Variants in PRKRA observed in about 807,000 individuals in gnomAD.
The protein encoded by PRKRA is protein activator of interferon induced protein kinase EIF2AK2, also known as interferon-inducible double-stranded RNA-dependent protein kinase activator A.
In PRKRA, 22 loss-of-function variants were observed where a neutral mutation model predicts 32.4. That is an observed-to-expected ratio of 0.68 (90% CI 0.49 to 0.97). The LOEUF is 0.97. PRKRA is among the 50% of genes least tolerant of loss of function. PRKRA has a pLI of 0.00. For synonymous variants in PRKRA, 139 were observed against 129.8 expected, an observed-to-expected ratio of 1.07 and a Z score of -0.48; for missense variants, 319 against 375.6, an observed-to-expected ratio of 0.85 and a Z score of 1.25.
In PRKRA at chr2:178,450,415, C is replaced by CA. The variant is rs765855887; in HGVS notation, c.66-5dup. ...AGCTGTTATCATCTTCCCCAAACTGCAAAAACCACAAAAAGGTGTGCTTTG... is the reference window on the plus strand; with the variant it reads ...AGCTGTTATCATCTTCCCCAAACTGCAAAAAACCACAAAAAGGTGTGCTTTG... On this transcript the variant is annotated splice_region_variant and splice_polypyrimidine_tract_variant and intron_variant, in intron 1 of 7. Transcript: ENST00000325748. 1 of 788,408 alleles carries CA rather than the reference C, an allele frequency of 1.3e-6. No individual in the cohort carries two copies. The highest frequency in any genetic ancestry group is 1.8e-6 in the Non-Finnish European group (1 of 547,838). 48.8% of individuals were successfully genotyped at this position (788,408 alleles called of 1,614,324 possible). A position where few individuals can be genotyped will look rare whatever the true frequency, so the allele number is the denominator to read the frequency against.
chr2:178,450,722 G>C (rs1312376019), intron 1 of PRKRA: 3 of 1,377,086 alleles, frequency 2.2e-6, no homozygotes, highest in East Asian at 5.4e-5. Flanking sequence ...TCCCTTCCCG[G>C]GCGCGCCGAC....
Position 178,451,062 on chromosome 2 carries a change from A to G in PRKRA, c.-32T>C, listed in dbSNP as rs1023182830. On this transcript the variant is annotated 5_prime_UTR_variant, in exon 1 of 8. Transcript: ENST00000325748. ...AAGGGACGGCTCAGCGGCTGGAGGA[A>G]GAGCGGTGCGGAGCGACGTGCTCGC... 38 of 1,550,232 alleles carry G rather than the reference A, an allele frequency of 2.5e-5. No homozygotes were observed. Among genetic ancestry groups the G allele is most frequent in the Non-Finnish European group, 3.2e-5 (37 of 1,153,286 alleles).
rs1469347076 is a variant in PRKRA, at chr2:178,447,599, T to G, written c.236-13A>C. On this transcript the variant is annotated splice_polypyrimidine_tract_variant and intron_variant, in intron 2 of 7. Transcript: ENST00000325748. ...CTTGTACCTTCACCTGAATTAAGAT[T>G]TAAAAAAAGAAGTCTTTATCTCCCA... 1 of 1,613,802 alleles carries G rather than the reference T, an allele frequency of 6.2e-7. No individual in the cohort carries two copies. The highest frequency in any genetic ancestry group is 8.5e-7 in the Non-Finnish European group (1 of 1,179,908).
chr2:178,436,247 A>T lies in PRKRA; in HGVS notation c.682T>A (p.Leu228Ile), dbSNP rs1229151953. 6.2e-7 allele frequency: 1 copy of T among 1,613,716 alleles called. No individual in the cohort carries two copies. The highest frequency in any genetic ancestry group is 8.5e-7 in the Non-Finnish European group (1 of 1,179,632). ...ATACTAAGGAGGCTTCTTTTCAGTA[A>T]GTTGATCTTTTCACCAGGAGAATTC... ...LRNSPGEKIN[L>I]LKRSLLSIPN... Residue 228 changes from leucine (L) to isoleucine (I), a missense_variant, in exon 7 of 8, where the codon TTA becomes ATA. Leu to Ile is a conservative substitution (Grantham distance 5, BLOSUM62 2). Coordinates refer to ENST00000325748, the MANE Select transcript of PRKRA (RefSeq NM_003690.5).
chr2:178,441,744 T>C (rs761681603), intron 5 of PRKRA, 40 bp from the exon 6 acceptor site: 4 of 806,744 alleles, frequency 5.0e-6, no homozygotes, highest in South Asian at 3.5e-5. Context: ...AGAAAAGAAA[T>C]TAGTGTCCAC....
chr2:178,447,018 TCTTA>T (rs1210151760), intron 3 of PRKRA, among the ~76,000 whole-genome samples: 1 of 124,562 alleles, frequency 8.0e-6, no homozygotes, highest in Non-Finnish European at 1.7e-5. Context: ...AAAAAAAAAA[TCTTA>T]CTTTAGAAAG....
intron 6 of PRKRA, chr2:178,439,780 T>C (rs1020729340): frequency 6.6e-6 from 1 of 152,200 alleles, no homozygotes; most frequent in South Asian, 2.1e-4. Flanking sequence ...CAAAATTTTT[T>C]TGGCATCCAT....
At chr2:178,450,699 G>A (rs1181072079) in intron 1 of PRKRA, 1 of 1,408,244 alleles carries the variant, frequency 7.1e-7, no homozygotes, top group South Asian at 1.6e-5. Context: ...GCCTCTCAGG[G>A]AAAACCTGAC....
At chr2:178,440,652 A>C (rs1697075408) in intron 6 of PRKRA, among the ~76,000 whole-genome samples, 1 of 152,096 alleles carries the variant, frequency 6.6e-6, no homozygotes, top group Non-Finnish European at 1.5e-5. Context: ...ATAACTTTAA[A>C]ATCTACCCAT....
chr2:178,435,756 A>G (rs952085656), intron 7 of PRKRA, among the ~76,000 whole-genome samples: 1 of 152,214 alleles, frequency 6.6e-6, no homozygotes, highest in Non-Finnish European at 1.5e-5. Flanking sequence ...CTGACTAGCT[A>G]TGTGATCTTG....
Position 178,432,239 on chromosome 2 carries a change from T to G in PRKRA, c.800A>C (p.Asn267Thr). 1 of 1,614,264 alleles carries G rather than the reference T, an allele frequency of 6.2e-7. No homozygotes were observed. The highest frequency in any genetic ancestry group is 1.1e-5 in the South Asian group (1 of 91,086). ...TYLDIDELSA[N>T]GQYQCLAELS... ...TTCAGCAAGACATTGATATTGTCCA[T>G]TGGCGCTCAGTTCATCTGTAATGAC... The change falls in exon 8 of 8, where the codon AAT (asparagine) becomes ACT (threonine). Residue 267 changes from asparagine to threonine, a missense_variant. Asn to Thr is a moderately conservative substitution (Grantham distance 65). Transcript: ENST00000325748.
At chr2:178,440,234 AATTAT>A (rs1697061022) in intron 6 of PRKRA, 1 of 152,206 alleles carries the variant, frequency 6.6e-6, no homozygotes, top group South Asian at 2.1e-4. Flanking sequence ...TGTAAAATCA[AATTAT>A]ATTACTCATT....
chr2:178,436,291 C>T lies in PRKRA; in HGVS notation c.638G>A (p.Cys213Tyr). The change falls in exon 7 of 8, where the codon TGT becomes TAT. Residue 213 changes from cysteine to tyrosine, a missense_variant. Cys to Tyr is a radical substitution (Grantham distance 194). Transcript: ENST00000325748. ...AGAATTCCTCAAGGAATGCCAAGTA[C>T]ATCCTAAAGAATGTCCTACTACATT... ...LTNVVGHSLG[C>Y]TWHSLRNSPG... The T allele has an allele frequency of 1.2e-6, 2 of 1,613,922 alleles. No individual in the cohort carries two copies. The highest frequency in any genetic ancestry group is 8.5e-7 in the Non-Finnish European group (1 of 1,179,906).
At chr2:178,438,299 A>AG (rs1339911014) in intron 6 of PRKRA, among the ~76,000 whole-genome samples, 1 of 152,082 alleles carries the variant, frequency 6.6e-6, no homozygotes, top group African/African-American at 2.4e-5. Context: ...GTAAGGAATA[A>AG]GGAAGCATTC....
Position 178,450,377 on chromosome 2 carries a change from T to A in PRKRA, c.100A>T (p.Thr34Ser), listed in dbSNP as rs1337939734. Residue 34 changes from threonine (T) to serine (S), a missense_variant, in exon 2 of 8, where the codon ACA becomes TCA. Physicochemically the swap from Thr to Ser is moderately conservative, Grantham distance 58 (BLOSUM62 1). Coordinates refer to ENST00000325748, the MANE Select transcript of PRKRA (RefSeq NM_003690.5). ...GKMITAKPGKTPIQVLHEYGM... is the reference protein window; with the variant it reads ...GKMITAKPGKSPIQVLHEYGM... ...TATTCGTGTAATACCTGAATCGGTG[T>A]TTTCCCTGGCTTAGCTGTTATCATC... 5.6e-6 allele frequency: 9 copies of A among 1,614,244 alleles called. No individual in the cohort carries two copies. Among genetic ancestry groups the A allele is most frequent in the Non-Finnish European group, 7.6e-6 (9 of 1,180,052 alleles).
At chr2:178,437,169 A>C (rs1428664661) in intron 6 of PRKRA, among the ~76,000 whole-genome samples, 2 of 152,188 alleles carry the variant, frequency 1.3e-5, no homozygotes, top group Non-Finnish European at 2.9e-5. Context: ...TAGATTTACC[A>C]AATAAAAATT....
chr2:178,443,227 G>A, intron 5 of PRKRA, 40 bp downstream of exon 5: 2 of 1,466,526 alleles, frequency 1.4e-6, no homozygotes, highest in Non-Finnish European at 1.9e-6. Context: ...TTCATCATCT[G>A]AAAATATTTC....
At chr2:178,437,265 T>C (rs1696938264) in intron 6 of PRKRA, among the ~76,000 whole-genome samples, 1 of 152,186 alleles carries the variant, frequency 6.6e-6, no homozygotes, top group Non-Finnish European at 1.5e-5. Flanking sequence ...AGAACAAATA[T>C]ATAATGAAGA....
At chr2:178,437,138 A>G (rs183890025) in intron 6 of PRKRA, among the ~76,000 whole-genome samples, 2 of 152,316 alleles carry the variant, frequency 1.3e-5, no homozygotes, top group Admixed American at 1.3e-4. Context: ...AGATGGCATG[A>G]TATGGAATTA....
Sources: allele counts gnomAD v4.1 joint callset (sites outside exome capture counted in the v4.1 genomes callset), GRCh38; gene constraint gnomAD v4.1.1; transcripts MANE v1.5; gene names NCBI Gene and HGNC (gene_info 2026-07-23, HGNC 2026-07-21).